The following ADCY8 variants were observed in gnomAD, a reference collection of about 807,000 sequenced individuals.
ADCY8 encodes adenylate cyclase type 8.
Under a neutral mutation model 119.7 loss-of-function variants are expected in ADCY8, and 51 were observed. The ratio of observed to expected loss-of-function variants is 0.43; its 90% CI spans 0.34 to 0.54. The LOEUF is 0.54. ADCY8 is among the 20% of genes least tolerant of loss of function. The pLI, the probability that ADCY8 is intolerant of heterozygous loss-of-function variation, is 0.03. For missense variants in ADCY8, 1,383 were observed against 1,598.8 expected (o/e 0.87, Z 2.30); for synonymous variants, 665 against 651.0 (o/e 1.02, Z -0.33).
intron 1 of ADCY8, among the ~76,000 whole-genome samples, chr8:131,001,059 C>G (rs894099950): frequency 6.6e-6 from 1 of 152,140 alleles, no homozygotes; most frequent in South Asian, 2.1e-4. Context: ...GTATGTTTAT[C>G]CCTTCCCTCA....
intron 5 of ADCY8, among the ~76,000 whole-genome samples, chr8:130,910,165 T>C (rs1160286624): frequency 6.6e-6 from 1 of 152,126 alleles, no homozygotes; most frequent in Non-Finnish European, 1.5e-5. Flanking sequence ...ACCCCTTCCA[T>C]GAAGCCTTCT....
rs1024215421 is a variant in ADCY8 at position 131,040,117 on chromosome 8, C to T, written c.217G>A (p.Gly73Ser). 2 of 1,526,372 alleles carry T rather than the reference C, an allele frequency of 1.3e-6. No individual in the cohort carries two copies. Among genetic ancestry groups the T allele is most frequent in the African/African-American group, 2.8e-5 (2 of 72,644 alleles). 94.6% of individuals were successfully genotyped at this position (1,526,372 alleles called of 1,614,324 possible). ...GGCGCGTGGTGGTTGGGGCCGCCGC[C>T]CGCAGGGTCCGAGGCTTTGCCCGAG... The part of the protein sequence containing the change: ...GGSGKASDPA[G>S]GGPNHHAPQL... Residue 73 changes from glycine to serine, a missense_variant, in exon 1 of 18, where the codon GGC (glycine) becomes AGC (serine). Coordinates refer to ENST00000286355, the MANE Select transcript of ADCY8 (RefSeq NM_001115.3).
chr8:130,952,302 G>A (rs1396889507), intron 2 of ADCY8, among the ~76,000 whole-genome samples: 1 of 152,150 alleles, frequency 6.6e-6, no homozygotes, highest in African/African-American at 2.4e-5. Flanking sequence ...TTTACAAAAT[G>A]TGATGAATGC....
intron 8 of ADCY8, 38 bp downstream of exon 8, chr8:130,884,526 T>A (rs753763855): frequency 3.7e-6 from 6 of 1,604,920 alleles, no homozygotes; most frequent in Admixed American, 3.3e-5. Flanking sequence ...TACCACAATT[T>A]ACTCAGAAAA....
intron 1 of ADCY8, among the ~76,000 whole-genome samples, chr8:131,029,309 A>G (rs1823923233): frequency 6.6e-6 from 1 of 152,240 alleles, no homozygotes; most frequent in African/African-American, 2.4e-5. Context: ...CAACGTAATA[A>G]TAACAGAGAT....
chr8:130,919,260 G>T (rs962557963), intron 5 of ADCY8, among the ~76,000 whole-genome samples: 1 of 152,020 alleles, frequency 6.6e-6, no homozygotes, highest in Non-Finnish European at 1.5e-5. Context: ...AGTGTGGGGA[G>T]TCCTGGCCAA....
At chr8:130,797,468 A>C (rs1406246052) in intron 15 of ADCY8, among the ~76,000 whole-genome samples, 2 of 152,192 alleles carry the variant, frequency 1.3e-5, no homozygotes, top group East Asian at 3.8e-4. Flanking sequence ...TCACCTTACT[A>C]TCTGCCAGCT....
chr8:130,894,868 A>C (rs1304246183), intron 7 of ADCY8, among the ~76,000 whole-genome samples: 1 of 152,140 alleles, frequency 6.6e-6, no homozygotes, highest in African/African-American at 2.4e-5. Flanking sequence ...AATGGGAATA[A>C]AAATTCACTC....
intron 1 of ADCY8, among the ~76,000 whole-genome samples, chr8:131,037,791 TCATG>T (rs1240819438): frequency 1.3e-5 from 2 of 152,066 alleles, no homozygotes; most frequent in Non-Finnish European, 2.9e-5. Flanking sequence ...ATGTAGATCT[TCATG>T]TAAACAGGAT....
At chr8:130,979,862 G>C (rs1290177434) in intron 2 of ADCY8, among the ~76,000 whole-genome samples, 1 of 152,200 alleles carries the variant, frequency 6.6e-6, no homozygotes, top group African/African-American at 2.4e-5. Context: ...AGAGAGGTAA[G>C]AAATGGGTCT....
intron 12 of ADCY8, among the ~76,000 whole-genome samples, chr8:130,823,959 A>G (rs1816596026): frequency 2.0e-5 from 3 of 152,210 alleles, no homozygotes; most frequent in Admixed American, 2.0e-4. Context: ...TAGCAGATTT[A>G]TTCTAGTTCA....
chr8:130,821,851 T>C (rs1816520961), intron 12 of ADCY8, among the ~76,000 whole-genome samples: 1 of 152,144 alleles, frequency 6.6e-6, no homozygotes, highest in African/African-American at 2.4e-5. Context: ...GGACTTAGAC[T>C]TAGGAGTGAA....
chr8:130,901,557 A>T (rs1819604395), intron 7 of ADCY8, among the ~76,000 whole-genome samples: 1 of 152,232 alleles, frequency 6.6e-6, no homozygotes, highest in Non-Finnish European at 1.5e-5. Flanking sequence ...GGCAAAGCAT[A>T]GGCTCAGCCA....
At chr8:130,914,960 G>A (rs1820083041) in intron 5 of ADCY8, among the ~76,000 whole-genome samples, 1 of 152,160 alleles carries the variant, frequency 6.6e-6, no homozygotes, top group Non-Finnish European at 1.5e-5. Context: ...ACAGGCCTTT[G>A]GCTGTCCCAA....
intron 7 of ADCY8, among the ~76,000 whole-genome samples, chr8:130,898,637 A>G (rs944440399): frequency 6.6e-6 from 1 of 152,200 alleles, no homozygotes; most frequent in Admixed American, 6.5e-5. Context: ...GATGGATGGG[A>G]TGAAGATGAT....
chr8:130,995,073 T>G (rs957789823), intron 1 of ADCY8, among the ~76,000 whole-genome samples: 1 of 152,204 alleles, frequency 6.6e-6, no homozygotes, highest in African/African-American at 2.4e-5. Flanking sequence ...TATACCTAGT[T>G]GGTGAAATGT....
At chr8:130,844,385 C>T (rs1817236650) in intron 11 of ADCY8, among the ~76,000 whole-genome samples, 1 of 152,224 alleles carries the variant, frequency 6.6e-6, no homozygotes, top group African/African-American at 2.4e-5. Context: ...AATTTAGAAC[C>T]AAGTTATACT....
rs79772153 is a variant in ADCY8, at chr8:130,888,021, G to A, written c.1912-3260C>T. ...TTTTTAAGACTTACAGCACCAGTGC[G>A]AGCTAGACTGAGATCATGTTTAAAA... On this transcript the variant is annotated intron_variant, in intron 7 of 17. Transcript: ENST00000286355. Among the ~76,000 whole-genome samples the A allele has an allele frequency of 1.6e-3, 247 of 152,130 alleles. 1 individual carries two copies. The highest frequency in any genetic ancestry group is 0.015 in the East Asian group (79 of 5,168).
intron 2 of ADCY8, among the ~76,000 whole-genome samples, chr8:130,986,034 T>C (rs1822392168): frequency 6.6e-6 from 1 of 152,174 alleles, no homozygotes; most frequent in African/African-American, 2.4e-5. Flanking sequence ...TTTTAATATT[T>C]AAAATAAATA....
Sources: gnomAD v4.1 joint callset for allele counts (sites outside exome capture counted in the v4.1 genomes callset) on GRCh38, gnomAD v4.1.1 for gene constraint, MANE v1.5 for transcripts, NCBI Gene and HGNC (gene_info 2026-07-23, HGNC 2026-07-21) for gene names.